Variants in KXD1 observed in about 807,000 individuals in gnomAD.
KXD1 encodes KxDL motif containing 1, also known as kxDL motif-containing protein 1.
A neutral mutation model predicts 12.1 loss-of-function variants in KXD1; 5 were observed. The observed-to-expected ratio is 0.41, with a 90% CI of 0.22 to 0.87. The LOEUF (loss-of-function observed/expected upper bound fraction) is 0.87, where lower values mean the gene tolerates loss of function less well. KXD1 is among the 40% of genes least tolerant of loss of function. The pLI is 0.31. For missense variants in KXD1, 193 were observed against 244.9 expected, an observed-to-expected ratio of 0.79 and a Z score of 1.41; for synonymous variants, 98 against 100.5, an observed-to-expected ratio of 0.98 and a Z score of 0.15.
Position 18,569,240 on chromosome 19 carries a change from A to G in KXD1, c.*609A>G, listed in dbSNP as rs1482478537. On this transcript the variant is annotated 3_prime_UTR_variant, in exon 5 of 5. Coordinates refer to ENST00000222307, the MANE Select transcript of KXD1 (RefSeq NM_024069.4). ...ATAGAGGTGTGGAACCTGAGGGGCC[A>G]GCAGGCCTCTCTGAAGGCCTCCATG... is the stretch of plus-strand genomic sequence containing the variant. 6.5e-6 allele frequency: 1 copy of G among 153,066 alleles called. No individual in the cohort carries two copies. The highest frequency in any genetic ancestry group is 1.5e-5 in the Non-Finnish European group (1 of 68,374). The allele number at this position is 153,066 out of a possible 1,614,324, so 9.5% of individuals were successfully genotyped here.
chr19:18,562,615 C>T (rs1010044862), intron 2 of KXD1, among the ~76,000 whole-genome samples: 1 of 152,232 alleles, frequency 6.6e-6, no homozygotes, highest in Non-Finnish European at 1.5e-5. Context: ...GCATGTGCCA[C>T]CATGCCCAGC....
intron 4 of KXD1, 113 bp from the exon 5 acceptor site, chr19:18,568,289 A>C: frequency 1.4e-6 from 1 of 710,338 alleles, no homozygotes; most frequent in Admixed American, 2.4e-5. Context: ...AAAAAGGGTC[A>C]AGTCATACCC....
chr19:18,565,069 C>T, intron 3 of KXD1, 48 bp downstream of exon 3: 4 of 1,587,862 alleles, frequency 2.5e-6, no homozygotes, highest in Non-Finnish European at 3.4e-6. Flanking sequence ...GCCTCCACCT[C>T]CCCATCTGAG....
In KXD1 at chr19:18,568,700, C is replaced by A; in HGVS notation, c.*69C>A. On this transcript the variant is annotated 3_prime_UTR_variant, in exon 5 of 5. Coordinates refer to ENST00000222307, the MANE Select transcript of KXD1 (RefSeq NM_024069.4). The stretch of plus-strand genomic sequence containing the variant: ...ACAAGGTGGCAGCGGGTAACCCTGC[C>A]TTGTTCTGTCATCCAGGGCTCCTTT... 1 of 1,212,926 alleles carries A rather than the reference C, an allele frequency of 8.2e-7. No homozygotes were observed. Among genetic ancestry groups the A allele is most frequent in the Non-Finnish European group, 1.2e-6 (1 of 853,096 alleles). 75.1% of individuals were successfully genotyped at this position (1,212,926 alleles called of 1,614,324 possible).
chr19:18,561,258 A>C (rs1471736195), intron 1 of KXD1, among the ~76,000 whole-genome samples: 2 of 151,728 alleles, frequency 1.3e-5, no homozygotes, highest in Non-Finnish European at 2.9e-5. Context: ...ACAAACAAAA[A>C]CAAGGTAAAG....
chr19:18,561,175 A>C (rs1342596631), intron 1 of KXD1, among the ~76,000 whole-genome samples: 1 of 152,048 alleles, frequency 6.6e-6, no homozygotes, highest in Non-Finnish European at 1.5e-5. Flanking sequence ...GGCCAAGGCA[A>C]AAGGGTCGTG....
chr19:18,559,806 G>A (rs1398344419), intron 1 of KXD1: 1 of 152,166 alleles, frequency 6.6e-6, no homozygotes, highest in East Asian at 1.9e-4. Context: ...TTGATGCTTT[G>A]TTTAGCATAG....
chr19:18,563,776 A>C (rs1975053082), intron 2 of KXD1, among the ~76,000 whole-genome samples: 1 of 152,026 alleles, frequency 6.6e-6, no homozygotes, highest in Non-Finnish European at 1.5e-5. Context: ...TGCTGGGATT[A>C]CAGGTGTGAG....
chr19:18,565,183 A>T (rs1308248267), intron 3 of KXD1, 162 bp downstream of exon 3: 2 of 1,412,512 alleles, frequency 1.4e-6, no homozygotes, highest in Admixed American at 2.9e-5. Context: ...CTGGGATAAA[A>T]TCTTGACGTA....
intron 3 of KXD1, among the ~76,000 whole-genome samples, chr19:18,565,386 C>T (rs35875334): frequency 0.45 from 69,100 of 151,882 alleles, 18,282 homozygotes; most frequent in East Asian, 0.66. Context: ...CCTACCACCA[C>T]GCCTGGAGAA....
At chr19:18,565,207 AT>A (rs1975150167) in intron 3 of KXD1, 186 bp downstream of exon 3, 1 of 1,273,828 alleles carries the variant, frequency 7.9e-7, no homozygotes, top group African/African-American at 1.5e-5. Context: ...TTATTTACTG[AT>A]TGATTAATTG....
At chr19:18,566,340 C>T (rs1975227523) in intron 3 of KXD1, among the ~76,000 whole-genome samples, 3 of 151,880 alleles carry the variant, frequency 2.0e-5, no homozygotes, top group South Asian at 2.1e-4. Flanking sequence ...TGGTGGTGGG[C>T]GTCTGTATTG....
intron 1 of KXD1, chr19:18,558,603 C>T (rs1977010850): frequency 6.6e-6 from 1 of 152,330 alleles, no homozygotes; most frequent in South Asian, 2.1e-4. Context: ...ACAGACAGCA[C>T]TGTGAGATCT....
At chr19:18,567,961 C>A (rs1975335304) in intron 4 of KXD1, among the ~76,000 whole-genome samples, 1 of 152,160 alleles carries the variant, frequency 6.6e-6, no homozygotes, top group Admixed American at 6.5e-5. Context: ...GTTTTCTCCT[C>A]TACAAAATAA....
At chr19:18,565,230 G>A (rs886191199) in intron 3 of KXD1, 2 of 1,090,324 alleles carry the variant, frequency 1.8e-6, no homozygotes, top group African/African-American at 1.7e-5. Context: ...TCGAGACAGA[G>A]TTTTTTTTTT....
In KXD1 at chr19:18,562,077, C is replaced by T. The variant is rs2145222618; in HGVS notation, c.21C>T (p.Ala7=). The T allele has an allele frequency of 1.2e-6, 2 of 1,613,362 alleles. No individual in the cohort carries two copies. Among genetic ancestry groups the T allele is most frequent in the Non-Finnish European group, 1.7e-6 (2 of 1,179,644 alleles). The change falls in exon 2 of 5, where the codon GCC becomes GCT. Residue 7 remains alanine, a synonymous_variant. Coordinates refer to ENST00000222307, the MANE Select transcript of KXD1 (RefSeq NM_024069.4). The stretch of plus-strand genomic sequence containing the variant: ...AAGAGATGGACCTCCCGGACTCGGC[C>T]TCGAGGGTCTTCTGCGGCCGCATCC... MDLPDS[A]SRVFCGRILS...
intron 1 of KXD1, among the ~76,000 whole-genome samples, chr19:18,561,043 G>A (rs767627429): frequency 2.0e-5 from 3 of 152,034 alleles, no homozygotes; most frequent in Non-Finnish European, 4.4e-5. Context: ...GGCGGTGACA[G>A]GCAAACGGGT....
rs1371809180 is a variant in KXD1, at chr19:18,568,614, G to T, written c.514G>T (p.Glu172Ter). Residue 172 changes from glutamate to a stop codon, truncating the protein, a stop_gained, in exon 5 of 5, where the codon GAG becomes TAG. Transcript: ENST00000222307. LOFTEE classifies it high-confidence loss of function. ...INGRSQTDDE[E>*]MTGE ...CGGCCGCAGCCAGACAGATGACGAG[G>T]AGATGACGGGCGAATAGCCCTGCTG... 1 of 1,611,016 alleles carries T rather than the reference G, an allele frequency of 6.2e-7. No homozygotes were observed. The highest frequency in any genetic ancestry group is 1.3e-5 in the African/African-American group (1 of 75,066).
chr19:18,567,333 G>T, intron 4 of KXD1, 155 bp downstream of exon 4: 1 of 741,294 alleles, frequency 1.3e-6, no homozygotes, highest in South Asian at 1.6e-5. Context: ...TCAGGGTGCT[G>T]GCCTGGTCCT....
Sources: allele counts gnomAD v4.1 joint callset (sites outside exome capture counted in the v4.1 genomes callset), GRCh38; gene constraint gnomAD v4.1.1; transcripts MANE v1.5; gene names NCBI Gene and HGNC (gene_info 2026-07-23, HGNC 2026-07-21).